The following ZNF215 variants were observed in gnomAD, a reference collection of about 807,000 sequenced individuals.
The protein encoded by ZNF215 is zinc finger protein 215.
Under a neutral mutation model 27.2 loss-of-function variants are expected in ZNF215, and 24 were observed. That is an observed-to-expected ratio of 0.88 (90% confidence interval 0.64 to 1.24). The LOEUF is 1.24. ZNF215 is among the 50% of genes most tolerant of loss of function. The pLI, the probability that ZNF215 is intolerant of heterozygous loss-of-function variation, is 0.00. For synonymous variants in ZNF215, 210 were observed against 204.0 expected, an observed-to-expected ratio of 1.03 and a Z score of -0.25; for missense variants, 675 against 605.7, an observed-to-expected ratio of 1.11 and a Z score of -1.20.
At chr11:6,935,480 G>C (rs549218764) in intron 3 of ZNF215, among the ~76,000 whole-genome samples, 1 of 152,172 alleles carries the variant, frequency 6.6e-6, no homozygotes, top group South Asian at 2.1e-4. Context: ...GATTCATGCA[G>C]GTAAACATAA....
At chr11:6,940,893 T>C (rs1849611734) in intron 3 of ZNF215, among the ~76,000 whole-genome samples, 2 of 152,216 alleles carry the variant, frequency 1.3e-5, no homozygotes, top group South Asian at 4.1e-4. Context: ...TTTAACAAAC[T>C]TACTACATTG....
At chr11:6,985,051 A>G (rs1851032559), downstream of ZNF215, among the ~76,000 whole-genome samples, 1 of 152,136 alleles carries the variant, frequency 6.6e-6, no homozygotes, top group Non-Finnish European at 1.5e-5. Flanking sequence ...TCATTCTCTA[A>G]AGGCAGCATC....
At chr11:6,966,024 T>G (rs771730101) in intron 5 of ZNF215, among the ~76,000 whole-genome samples, 1 of 152,188 alleles carries the variant, frequency 6.6e-6, no homozygotes, top group Non-Finnish European at 1.5e-5. Context: ...AATTATCCAG[T>G]GAAGTCTTTA....
intron 5 of ZNF215, among the ~76,000 whole-genome samples, chr11:6,972,340 C>G (rs1375772479): frequency 6.6e-6 from 1 of 150,994 alleles, no homozygotes; most frequent in Non-Finnish European, 1.5e-5. Context: ...TTTACAAAAA[C>G]AGGTGACAGG....
At chr11:6,934,914 T>C (rs929747766) in intron 3 of ZNF215, among the ~76,000 whole-genome samples, 3 of 152,210 alleles carry the variant, frequency 2.0e-5, no homozygotes, top group African/African-American at 7.2e-5. Flanking sequence ...TTGAGAAATC[T>C]AGCAGAAAAG....
intron 5 of ZNF215, among the ~76,000 whole-genome samples, chr11:6,982,236 G>A (rs1399241969): frequency 6.6e-6 from 1 of 151,980 alleles, no homozygotes; most frequent in Non-Finnish European, 1.5e-5. Flanking sequence ...ACCCAATACA[G>A]GAGCACCCAG....
downstream of ZNF215, chr11:6,988,159 C>A: frequency 2.0e-6 from 2 of 980,658 alleles, no homozygotes; most frequent in Non-Finnish European, 2.4e-6. Flanking sequence ...ATAATCTGTT[C>A]AATTACCTTG....
downstream of ZNF215, among the ~76,000 whole-genome samples, chr11:6,986,382 G>A (rs1299447885): frequency 1.3e-5 from 2 of 152,052 alleles, no homozygotes; most frequent in Non-Finnish European, 2.9e-5. Flanking sequence ...ACTAACTCAA[G>A]ATGTATTAAA....
intron 5 of ZNF215, among the ~76,000 whole-genome samples, chr11:6,967,826 C>G (rs1271808130): frequency 6.6e-6 from 1 of 152,126 alleles, no homozygotes; most frequent in Non-Finnish European, 1.5e-5. Context: ...GCTTTTGTTG[C>G]CATTGCTTTT....
intron 5 of ZNF215, among the ~76,000 whole-genome samples, chr11:6,979,879 G>C (rs928501800): frequency 1.3e-5 from 2 of 152,052 alleles, no homozygotes; most frequent in African/African-American, 4.8e-5. Flanking sequence ...AGCTATAAAC[G>C]TGATAGACTT....
At chr11:6,983,312 T>C (rs10839674) in intron 5 of ZNF215, among the ~76,000 whole-genome samples, 52,216 of 150,308 alleles carry the variant, frequency 0.35, 9,723 homozygotes, top group African/African-American at 0.49. Context: ...GATTCACAGC[T>C]GAATTCTACC....
intron 5 of ZNF215, among the ~76,000 whole-genome samples, chr11:6,966,341 T>G (rs2857929): frequency 0.99 from 150,334 of 152,188 alleles, 74,271 homozygotes; most frequent in Middle Eastern, 1. Flanking sequence ...TGGAGGGTGG[T>G]ATGAGGATGA....
At chr11:6,972,841 C>G (rs1590084011) in intron 5 of ZNF215, among the ~76,000 whole-genome samples, 1 of 152,190 alleles carries the variant, frequency 6.6e-6, no homozygotes, top group East Asian at 1.9e-4. Context: ...AAGAGCTGAT[C>G]TGTCGAGAAA....
rs867083926 is a variant in ZNF215, at chr11:6,932,301, T to C, written c.29T>C (p.Ile10Thr). Residue 10 changes from isoleucine to threonine, a missense_variant, in exon 3 of 7, where the codon ATC (isoleucine) becomes ACC (threonine). Coordinates refer to ENST00000278319, the MANE Select transcript of ZNF215 (RefSeq NM_013250.4). ...CAGCCTCTGAGCAAGTTGATGGCTA[T>C]CTCAAAACCTCGAAACCTGTCTCTA... is the stretch of plus-strand genomic sequence containing the variant. MQPLSKLMA[I>T]SKPRNLSLRE... 6.2e-7 allele frequency: 1 copy of C among 1,614,104 alleles called. No individual in the cohort carries two copies. The highest frequency in any genetic ancestry group is 1.3e-5 in the African/African-American group (1 of 75,020).
chr11:6,948,804 C>A (rs67413817), intron 6 of ZNF215, among the ~76,000 whole-genome samples: 10,774 of 151,838 alleles, frequency 0.071, 482 homozygotes, highest in East Asian at 0.15. Context: ...GCACAATGTG[C>A]AGGTTACACT....
downstream of ZNF215, among the ~76,000 whole-genome samples, chr11:6,987,509 C>T (rs181998061): frequency 1.3e-5 from 2 of 152,076 alleles, no homozygotes; most frequent in Non-Finnish European, 2.9e-5. Flanking sequence ...GCACATGTAT[C>T]CCCGACTGTA....
chr11:6,987,512 C>T (rs1046361844), downstream of ZNF215, among the ~76,000 whole-genome samples: 1 of 151,936 alleles, frequency 6.6e-6, no homozygotes, highest in East Asian at 1.9e-4. Flanking sequence ...CATGTATCCC[C>T]GACTGTAAGA....
In ZNF215 at chr11:6,943,065, A is replaced by G. The variant is rs377758945; in HGVS notation, c.484-18A>G. 8.1e-6 allele frequency: 13 copies of G among 1,606,910 alleles called. No homozygotes were observed. Among genetic ancestry groups the G allele is most frequent in the Non-Finnish European group, 1.1e-5 (13 of 1,177,480 alleles). ...TGGGGAGTGACACCTTTGATTAAAAAGGAACTTAATGTTTTAGGAACCAGT... is the reference window on the plus strand; with the variant it reads ...TGGGGAGTGACACCTTTGATTAAAAGGGAACTTAATGTTTTAGGAACCAGT... On this transcript the variant is annotated intron_variant, in intron 4 of 6. Coordinates refer to ENST00000278319, the MANE Select transcript of ZNF215 (RefSeq NM_013250.4).
chr11:6,956,094 C>T lies in ZNF215; in HGVS notation c.1117C>T (p.His373Tyr). ...TACAGATATTCGACACCAAAAAAGT[C>T]ATACTACAATGAATTCCTATGAATG... ...LSTDIRHQKS[H>Y]TTMNSYECYQ... Residue 373 changes from histidine to tyrosine, a missense_variant, in exon 7 of 7, where the codon CAT becomes TAT. By Grantham distance (83) the His-to-Tyr change is moderately conservative. Transcript: ENST00000278319. 6.2e-7 allele frequency: 1 copy of T among 1,612,976 alleles called. No individual in the cohort carries two copies. The highest frequency in any genetic ancestry group is 8.5e-7 in the Non-Finnish European group (1 of 1,179,792).
Sources: gnomAD v4.1 joint callset for allele counts (sites outside exome capture counted in the v4.1 genomes callset) on GRCh38, gnomAD v4.1.1 for gene constraint, MANE v1.5 for transcripts, NCBI Gene and HGNC (gene_info 2026-07-23, HGNC 2026-07-21) for gene names.